The following ZNF385D variants were observed in gnomAD, a reference collection of about 807,000 sequenced individuals.
The protein encoded by ZNF385D is zinc finger protein 385D, also known as zinc finger protein 659.
Under a neutral mutation model 35.8 loss-of-function variants are expected in ZNF385D, and 15 were observed. That is an observed-to-expected ratio of 0.42 (90% CI 0.28 to 0.64). ZNF385D has a LOEUF of 0.64. Ranked by LOEUF, ZNF385D falls within the 30% of genes least tolerant of loss-of-function variation. ZNF385D has a pLI of 0.23. For synonymous variants in ZNF385D, 212 were observed against 186.8 expected, an observed-to-expected ratio of 1.13 and a Z score of -1.10; for missense variants, 474 against 494.6, an observed-to-expected ratio of 0.96 and a Z score of 0.39.
chr3:21,675,574 T>C (rs770119535), intron 1 of ZNF385D, among the ~76,000 whole-genome samples: 236 of 152,162 alleles, frequency 1.6e-3, no homozygotes, highest in Admixed American at 2.4e-3. Context: ...GAGATTGCCC[T>C]TTTTTGATGA....
rs200261369 is a variant in ZNF385D at position 21,876,168 on chromosome 3, A to G, written c.326-211140T>C. The stretch of plus-strand genomic sequence containing the variant: ...TTGTAAGTGTAAAGCAAGCAAGCAA[A>G]CAAACAAACAAACAAAAAACCTGAG... On this transcript the variant is annotated intron_variant, in intron 3 of 5. Transcript: ENST00000494108. Among the ~76,000 whole-genome samples the G allele has an allele frequency of 5.1e-3, 663 of 131,076 alleles. 4 individuals are homozygous for G. Among genetic ancestry groups the G allele is most frequent in the Non-Finnish European group, 6.2e-3 (355 of 56,938 alleles). 86.0% of individuals were successfully genotyped at this position (131,076 alleles called of 152,430 possible). A position where few individuals can be genotyped will look rare whatever the true frequency, so the allele number is the denominator to read the frequency against.
intron 3 of ZNF385D, among the ~76,000 whole-genome samples, chr3:21,799,169 T>C (rs564340506): frequency 1.1e-4 from 16 of 152,244 alleles, no homozygotes; most frequent in Non-Finnish European, 1.8e-4. Context: ...CTCTGCTGCA[T>C]GGATGCACCA....
intron 2 of ZNF385D, among the ~76,000 whole-genome samples, chr3:22,246,893 T>C (rs1193953688): frequency 6.6e-6 from 1 of 152,190 alleles, no homozygotes; most frequent in Non-Finnish European, 1.5e-5. Context: ...CAGAACATTC[T>C]CTGTGTAGAT....
chr3:22,193,247 G>C (rs1223966400), intron 2 of ZNF385D, among the ~76,000 whole-genome samples: 1 of 152,030 alleles, frequency 6.6e-6, no homozygotes, highest in Non-Finnish European at 1.5e-5. Flanking sequence ...CTTTCACAGT[G>C]TAGCCCTTAG....
chr3:21,689,930 T>C (rs959580183), intron 1 of ZNF385D, among the ~76,000 whole-genome samples: 3 of 149,878 alleles, frequency 2.0e-5, no homozygotes, highest in Admixed American at 6.7e-5. Flanking sequence ...ATGAGAAATA[T>C]AGAAATATAT....
chr3:22,245,230 A>C (rs1249663474), intron 2 of ZNF385D, among the ~76,000 whole-genome samples: 2 of 152,160 alleles, frequency 1.3e-5, no homozygotes, highest in Non-Finnish European at 2.9e-5. Context: ...TTTTTCAGCT[A>C]CAAAGATGTC....
chr3:22,323,148 T>C (rs1694519847), intron 2 of ZNF385D, among the ~76,000 whole-genome samples: 2 of 152,182 alleles, frequency 1.3e-5, no homozygotes, highest in Admixed American at 1.3e-4. Context: ...GTATGGCCTC[T>C]TGGTGGCTGC....
chr3:22,034,875 T>C (rs11129037), intron 3 of ZNF385D, among the ~76,000 whole-genome samples: 74,241 of 151,918 alleles, frequency 0.49, 19,540 homozygotes, highest in African/African-American at 0.69. Context: ...TAATAAAAAA[T>C]ATCTAAAAGT....
At chr3:22,024,657 G>C (rs1353090600) in intron 3 of ZNF385D, among the ~76,000 whole-genome samples, 1 of 152,078 alleles carries the variant, frequency 6.6e-6, no homozygotes, top group Non-Finnish European at 1.5e-5. Flanking sequence ...GGCATGAACT[G>C]TTTAGAGAGT....
chr3:22,304,025 A>G (rs1703068469), intron 2 of ZNF385D, among the ~76,000 whole-genome samples: 1 of 151,998 alleles, frequency 6.6e-6, no homozygotes, highest in Non-Finnish European at 1.5e-5. Flanking sequence ...TAAGCCGCCC[A>G]CCTCGGCCTC....
intron 3 of ZNF385D, among the ~76,000 whole-genome samples, chr3:22,119,027 T>C (rs9310682): frequency 0.018 from 2,794 of 152,216 alleles, 34 homozygotes; most frequent in Non-Finnish European, 0.026. Context: ...GATTACCTAA[T>C]TCTAAAAAAT....
chr3:21,467,946 G>T (rs1177018791), intron 4 of ZNF385D, among the ~76,000 whole-genome samples: 1 of 151,976 alleles, frequency 6.6e-6, no homozygotes, highest in Non-Finnish European at 1.5e-5. Context: ...TCCATTTGTT[G>T]GCAAAAATAG....
In ZNF385D at chr3:21,417,896, T is replaced by C. The variant is rs1326206044; in HGVS notation, c.*3318A>G. The C allele has an allele frequency of 3.3e-5, 5 of 152,266 alleles. No homozygotes were observed. The South Asian group carries it at 6.2e-4, about 19-fold the overall frequency. The allele number at this position is 152,266 out of a possible 1,614,324, so 9.4% of individuals were successfully genotyped here. ...GGAGAAGCCAAATAGTACCTAAAGA[T>C]AGAAATCCTTTCAAATGAGGCAGGG... On this transcript the variant is annotated 3_prime_UTR_variant, in exon 8 of 8. Transcript: ENST00000281523.
At chr3:21,725,941 A>G (rs1219803379) in intron 1 of ZNF385D, among the ~76,000 whole-genome samples, 1 of 152,210 alleles carries the variant, frequency 6.6e-6, no homozygotes, top group Non-Finnish European at 1.5e-5. Flanking sequence ...AAATACTGGC[A>G]AACCAAATCC....
At chr3:21,858,137 G>A (rs1696835698) in intron 3 of ZNF385D, among the ~76,000 whole-genome samples, 1 of 147,262 alleles carries the variant, frequency 6.8e-6, no homozygotes, top group African/African-American at 2.6e-5. Flanking sequence ...ACTCATGCCT[G>A]GGACACAGCA....
chr3:21,718,607 A>G (rs1179221447), intron 1 of ZNF385D, among the ~76,000 whole-genome samples: 1 of 152,270 alleles, frequency 6.6e-6, no homozygotes, highest in Non-Finnish European at 1.5e-5. Context: ...AAGATTAAGT[A>G]TTAATTAAAT....
chr3:21,582,120 A>G (rs576072554), intron 2 of ZNF385D, among the ~76,000 whole-genome samples: 1 of 152,162 alleles, frequency 6.6e-6, no homozygotes, highest in African/African-American at 2.4e-5. Context: ...ATGGTATCCT[A>G]TATGTTATAG....
At chr3:22,207,287 A>G (rs1313344938) in intron 2 of ZNF385D, among the ~76,000 whole-genome samples, 2 of 151,956 alleles carry the variant, frequency 1.3e-5, no homozygotes, top group African/African-American at 4.8e-5. Context: ...ACAATTCCAT[A>G]CATCTATAGT....
At chr3:21,421,655 GA>G (rs972523479) in intron 7 of ZNF385D, among the ~76,000 whole-genome samples, 49 of 152,246 alleles carry the variant, frequency 3.2e-4, no homozygotes, top group African/African-American at 1.1e-3. Flanking sequence ...GGCCAACCGG[GA>G]ATGCTTGAAA....
Sources: allele counts gnomAD v4.1 joint callset (sites outside exome capture counted in the v4.1 genomes callset), GRCh38; gene constraint gnomAD v4.1.1; transcripts MANE v1.5; gene names NCBI Gene and HGNC (gene_info 2026-07-23, HGNC 2026-07-21).